SLC34A2: variants seen among roughly 807,000 people sequenced by gnomAD.
SLC34A2 encodes the protein sodium-dependent phosphate transport protein 2B.
SLC34A2 carries 41 observed loss-of-function variants against 50.8 expected under a neutral mutation model. The observed-to-expected ratio is 0.81, with a 90% CI of 0.63 to 1.05. The LOEUF is 1.05. SLC34A2 is among the 50% of genes least tolerant of loss of function. The pLI is 0.00. For missense variants in SLC34A2, 879 were observed against 876.7 expected (o/e 1.00, Z -0.03); for synonymous variants, 401 against 364.2 (o/e 1.10, Z -1.15).
chr4:25,668,771 C>T lies in SLC34A2; in HGVS notation c.635+780C>T, dbSNP rs1714651537. On this transcript the variant is annotated intron_variant, in intron 6 of 12. Coordinates refer to ENST00000382051, the MANE Select transcript of SLC34A2 (RefSeq NM_006424.3). ...TCTTCACTTACAAGTTAATAAAAAA[C>T]AAAACCTAGTTTCTGCGTATGCAGA... is the stretch of plus-strand genomic sequence containing the variant. 4.6e-5 allele frequency among the ~76,000 whole-genome samples: 7 copies of T among 151,910 alleles called. 1 individual carries two copies. In the South Asian group the frequency reaches 1.4e-3, roughly 31 times the overall value.
At chr4:25,674,709 C>T in intron 12 of SLC34A2, 80 bp downstream of exon 12, 3 of 1,581,922 alleles carry the variant, frequency 1.9e-6, no homozygotes, top group Non-Finnish European at 2.6e-6. Flanking sequence ...TAACAAGAGC[C>T]AGGCTTTTCT....
At chr4:25,675,514 A>G (rs1270995909) in intron 12 of SLC34A2, among the ~76,000 whole-genome samples, 1 of 152,276 alleles carries the variant, frequency 6.6e-6, no homozygotes, top group Non-Finnish European at 1.5e-5. Context: ...GGCATCTAAT[A>G]TAAATTAACC....
At chr4:25,671,516 C>A in intron 8 of SLC34A2, 85 bp from the exon 9 acceptor site, 2 of 1,559,886 alleles carry the variant, frequency 1.3e-6, no homozygotes, top group Admixed American at 1.7e-5. Flanking sequence ...GTGGTGTCTG[C>A]GCCTGTTCAT....
At chr4:25,668,089 A>T (rs1327944669) in intron 6 of SLC34A2, 98 bp downstream of exon 6, 1 of 802,600 alleles carries the variant, frequency 1.2e-6, no homozygotes, top group Non-Finnish European at 2.2e-6. Flanking sequence ...CATGCTTATC[A>T]GGTTCATTCC....
chr4:25,670,152 G>A (rs898643451), intron 7 of SLC34A2, among the ~76,000 whole-genome samples: 1 of 152,208 alleles, frequency 6.6e-6, no homozygotes, highest in Admixed American at 6.5e-5. Flanking sequence ...AACCCCGGGA[G>A]GTCAAGGCTG....
intron 4 of SLC34A2, chr4:25,665,004 A>G (rs1714415410): frequency 4.4e-6 from 1 of 229,362 alleles, no homozygotes; most frequent in South Asian, 1.8e-4. Flanking sequence ...GCCTGTGATT[A>G]GCAGAGTAAG....
chr4:25,659,930 G>T (rs1714092011), intron 1 of SLC34A2, among the ~76,000 whole-genome samples: 1 of 152,194 alleles, frequency 6.6e-6, no homozygotes, highest in Admixed American at 6.5e-5. Context: ...TTGAGATGAT[G>T]CTGTGAATGG....
In SLC34A2 at chr4:25,674,401, C is replaced by A. The variant is rs1192196621; in HGVS notation, c.1322C>A (p.Thr441Asn). 1 of 1,613,978 alleles carries A rather than the reference C, an allele frequency of 6.2e-7. No homozygotes were observed. The highest frequency in any genetic ancestry group is 1.3e-5 in the African/African-American group (1 of 74,922). ...QSSSVFTSAL[T>N]PLIGIGVITI... is the part of the protein sequence containing the mutation. ...AGCTCTGTGTTCACGTCGGCCTTGA[C>A]CCCCCTGATTGGTGAGTTACACCCT... is the stretch of plus-strand genomic sequence containing the variant. The change falls in exon 11 of 13, where the codon ACC becomes AAC. Residue 441 changes from threonine (T) to asparagine (N), a missense_variant. Physicochemically the swap from Thr to Asn is moderately conservative, Grantham distance 65. Coordinates refer to ENST00000382051, the MANE Select transcript of SLC34A2 (RefSeq NM_006424.3).
At position 25,666,332 on chromosome 4, in the gene SLC34A2, T is replaced by A. The variant is rs1261779007; in HGVS notation, c.523+61T>A. ...AGACACTCTCCTGTCTATCTGAGGG[T>A]GGGAAGGACGGGGGAGGAATTCACT... On this transcript the variant is annotated intron_variant, in intron 5 of 12. Transcript: ENST00000382051. 3 of 1,593,798 alleles carry A rather than the reference T, an allele frequency of 1.9e-6. No individual in the cohort carries two copies. In the East Asian group the frequency reaches 6.7e-5, roughly 36 times the overall value.
intron 6 of SLC34A2, among the ~76,000 whole-genome samples, chr4:25,668,415 G>A (rs1485271883): frequency 1.6e-4 from 25 of 152,216 alleles, no homozygotes; most frequent in Admixed American, 1.6e-3. Context: ...CACTCTGGGA[G>A]GCCCAGGCGG....
chr4:25,675,681 T>C (rs1715070721), intron 12 of SLC34A2, among the ~76,000 whole-genome samples: 2 of 152,264 alleles, frequency 1.3e-5, no homozygotes, highest in African/African-American at 4.8e-5. Context: ...TATTTCATAC[T>C]TAAAGCACAT....
chr4:25,665,414 G>A (rs985169622), intron 4 of SLC34A2, among the ~76,000 whole-genome samples: 10 of 151,938 alleles, frequency 6.6e-5, no homozygotes, highest in African/African-American at 9.7e-5. Context: ...TGTTCCGCCC[G>A]TCCTCCGCCT....
chr4:25,665,781 G>A (rs927565953), intron 4 of SLC34A2, among the ~76,000 whole-genome samples: 1 of 152,140 alleles, frequency 6.6e-6, no homozygotes, highest in Non-Finnish European at 1.5e-5. Flanking sequence ...GTTGAGGCTG[G>A]GTTCCTGAGC....
intron 1 of SLC34A2, among the ~76,000 whole-genome samples, chr4:25,657,180 G>C (rs1268095694): frequency 2.0e-5 from 3 of 152,170 alleles, no homozygotes; most frequent in Non-Finnish European, 4.4e-5. Flanking sequence ...CAAGTCCCCT[G>C]TGGTATGAGG....
chr4:25,676,387 T>G lies in SLC34A2; in HGVS notation c.1711T>G (p.Cys571Gly), dbSNP rs1172865461. The change falls in exon 13 of 13, where the codon TGC becomes GGC. Residue 571 changes from cysteine (C) to glycine (G), a missense_variant. Coordinates refer to ENST00000382051, the MANE Select transcript of SLC34A2 (RefSeq NM_006424.3). ...PVVFIIILVLCLRLLQSRCPR... is the reference protein window; with the variant it reads ...PVVFIIILVLGLRLLQSRCPR... ...CGTCTTCATCATCATCCTGGTACTG[T>G]GCCTCCGACTCCTGCAGTCTCGCTG... 6.2e-7 allele frequency: 1 copy of G among 1,614,144 alleles called. No homozygotes were observed. The highest frequency in any genetic ancestry group is 2.2e-5 in the East Asian group (1 of 44,874).
At position 25,676,639 on chromosome 4, in the gene SLC34A2, C is replaced by A; in HGVS notation, c.1963C>A (p.Gln655Lys). 6.2e-7 allele frequency: 1 copy of A among 1,614,120 alleles called. No individual in the cohort carries two copies. Among genetic ancestry groups the A allele is most frequent in the South Asian group, 1.1e-5 (1 of 91,088 alleles). The change falls in exon 13 of 13, where the codon CAG becomes AAG. Residue 655 changes from glutamine to lysine, a missense_variant. Physicochemically the swap from Gln to Lys is moderately conservative, Grantham distance 53. Coordinates refer to ENST00000382051, the MANE Select transcript of SLC34A2 (RefSeq NM_006424.3). ...CEDLEEAQEG[Q>K]DVPVKAPETF... ...GGACTTGGAGGAGGCGCAGGAGGGG[C>A]AGGATGTCCCTGTCAAGGCTCCTGA...
Position 25,662,500 on chromosome 4 carries a change from C to T in SLC34A2, c.-1C>T, listed in dbSNP as rs997187965. On this transcript the variant is annotated splice_region_variant and 5_prime_UTR_variant, in exon 2 of 13. Transcript: ENST00000382051. ...TTAAGCTGTTTTCTCATCCACAGAC[C>T]ATGGCTCCCTGGCCTGAATTGGGAG... is the stretch of plus-strand genomic sequence containing the variant. The T allele has an allele frequency of 6.2e-7, 1 of 1,613,904 alleles. No individual in the cohort carries two copies. Among genetic ancestry groups the T allele is most frequent in the South Asian group, 1.1e-5 (1 of 91,072 alleles).
rs151298748 is a variant in SLC34A2 at position 25,676,419 on chromosome 4, C to T, written c.1743C>T (p.Arg581=). The change falls in exon 13 of 13, where the codon CGC becomes CGT. Residue 581 remains arginine (R), a synonymous_variant. Coordinates refer to ENST00000382051, the MANE Select transcript of SLC34A2 (RefSeq NM_006424.3). ...CLRLLQSRCP[R]VLPKKLQNWN... is the part of the protein sequence containing the mutation. ...GACTCCTGCAGTCTCGCTGCCCACGCGTCCTGCCGAAGAAACTCCAGAACT... is the reference window on the plus strand; with the variant it reads ...GACTCCTGCAGTCTCGCTGCCCACGTGTCCTGCCGAAGAAACTCCAGAACT... 8 of 1,613,930 alleles carry T rather than the reference C, an allele frequency of 5.0e-6. No homozygotes were observed. Among genetic ancestry groups the T allele is most frequent in the Middle Eastern group, 1.6e-4 (1 of 6,082 alleles).
chr4:25,659,695 G>C (rs1714078512), intron 1 of SLC34A2, among the ~76,000 whole-genome samples: 1 of 152,304 alleles, frequency 6.6e-6, no homozygotes, highest in South Asian at 2.1e-4. Flanking sequence ...CTGAAGCTCA[G>C]AGTGGCTCAG....
Sources: allele counts gnomAD v4.1 joint callset (sites outside exome capture counted in the v4.1 genomes callset), GRCh38; gene constraint gnomAD v4.1.1; transcripts MANE v1.5; gene names NCBI Gene and HGNC (gene_info 2026-07-23, HGNC 2026-07-21).